The following PCDH9 variants were observed in gnomAD, a reference collection of about 807,000 sequenced individuals.
PCDH9 encodes the protein protocadherin 9, also known as protocadherin-9.
In PCDH9, 24 loss-of-function variants were observed where a neutral mutation model predicts 70.6. The ratio of observed to expected loss-of-function variants is 0.34; its 90% CI spans 0.25 to 0.48. The LOEUF (loss-of-function observed/expected upper bound fraction) is 0.48. PCDH9 is among the 20% of genes least tolerant of loss of function. The pLI is 0.99. For missense variants in PCDH9, 1,281 were observed against 1,503.6 expected (o/e 0.85, Z 2.45); for synonymous variants, 562 against 558.5 (o/e 1.01, Z -0.09).
At chr13:66,362,183 A>T (rs570577807) in intron 4 of PCDH9, among the ~76,000 whole-genome samples, 1 of 152,168 alleles carries the variant, frequency 6.6e-6, no homozygotes, top group South Asian at 2.1e-4. Flanking sequence ...AAAATTGTCA[A>T]ATAGATAGAG....
intron 3 of PCDH9, among the ~76,000 whole-genome samples, chr13:66,670,991 T>C (rs1198696788): frequency 6.6e-6 from 1 of 151,658 alleles, no homozygotes; most frequent in Non-Finnish European, 1.5e-5. Flanking sequence ...CTTTGAATTG[T>C]AGCTCCACAT....
intron 4 of PCDH9, among the ~76,000 whole-genome samples, chr13:66,538,686 A>C (rs901480493): frequency 2.6e-5 from 4 of 151,908 alleles, no homozygotes; most frequent in Non-Finnish European, 5.9e-5. Context: ...AATTATGGAG[A>C]GTGATCTGCA....
chr13:67,070,669 C>T (rs145621175), intron 2 of PCDH9, among the ~76,000 whole-genome samples: 1 of 152,118 alleles, frequency 6.6e-6, no homozygotes, highest in Non-Finnish European at 1.5e-5. Context: ...TCATTAGATT[C>T]AGTCTTAATG....
intron 2 of PCDH9, among the ~76,000 whole-genome samples, chr13:67,002,205 A>G (rs1017926233): frequency 6.6e-6 from 1 of 152,150 alleles, no homozygotes; most frequent in Admixed American, 6.5e-5. Flanking sequence ...ATGAAGAAAA[A>G]TATTTATTAT....
rs190694037 is a variant in PCDH9 at position 66,965,853 on chromosome 13, T to A, written c.3037-62248A>T. Reference sequence around the variant, plus strand: ...TAAGACAAAATATGTGAAAGTGATGTAAATTCTTATCTAAAAATATTTTAT... The same window carrying A: ...TAAGACAAAATATGTGAAAGTGATGAAAATTCTTATCTAAAAATATTTTAT... On this transcript the variant is annotated intron_variant, in intron 2 of 4. Coordinates refer to ENST00000377865, the MANE Select transcript of PCDH9 (RefSeq NM_203487.3). 1.5e-4 allele frequency among the ~76,000 whole-genome samples: 23 copies of A among 152,080 alleles called. No individual in the cohort carries two copies. The East Asian group carries it at 4.4e-3, about 29-fold the overall frequency.
intron 3 of PCDH9, among the ~76,000 whole-genome samples, chr13:66,679,967 T>C (rs1593882554): frequency 2.0e-5 from 3 of 152,106 alleles, no homozygotes; most frequent in South Asian, 4.1e-4. Flanking sequence ...TTAATACTAC[T>C]AAAAAATTCT....
At chr13:66,791,914 A>G (rs1286204024) in intron 3 of PCDH9, among the ~76,000 whole-genome samples, 1 of 152,184 alleles carries the variant, frequency 6.6e-6, no homozygotes, top group African/African-American at 2.4e-5. Context: ...ATGCACACAA[A>G]AAATCTTTGT....
chr13:66,608,536 A>T (rs1296535049), intron 4 of PCDH9, among the ~76,000 whole-genome samples: 1 of 152,074 alleles, frequency 6.6e-6, no homozygotes, highest in Non-Finnish European at 1.5e-5. Flanking sequence ...TTGGAATAAG[A>T]GGACAAGTCG....
chr13:66,519,199 CA>C (rs1394428497), intron 4 of PCDH9, among the ~76,000 whole-genome samples: 1 of 151,880 alleles, frequency 6.6e-6, no homozygotes, highest in Non-Finnish European at 1.5e-5. Context: ...GATAGTAGTG[CA>C]TTCCTCTAAG....
intron 2 of PCDH9, among the ~76,000 whole-genome samples, chr13:67,121,757 G>A (rs539559396): frequency 2.5e-4 from 38 of 152,094 alleles, no homozygotes; most frequent in Non-Finnish European, 4.1e-4. Flanking sequence ...TCTGCATTTG[G>A]TAGTGCAAAA....
At chr13:67,185,052 C>T (rs141110154) in intron 2 of PCDH9, among the ~76,000 whole-genome samples, 2 of 152,246 alleles carry the variant, frequency 1.3e-5, no homozygotes, top group East Asian at 1.9e-4. Flanking sequence ...CCTAGCAATG[C>T]CCTGGAGAGC....
chr13:66,510,349 T>A (rs1190047314), intron 4 of PCDH9, among the ~76,000 whole-genome samples: 2 of 150,668 alleles, frequency 1.3e-5, no homozygotes, highest in African/African-American at 2.4e-5. Context: ...AAAAATACAT[T>A]TATATATATA....
At chr13:66,590,564 T>C (rs1189009140) in intron 4 of PCDH9, among the ~76,000 whole-genome samples, 1 of 151,892 alleles carries the variant, frequency 6.6e-6, no homozygotes, top group Non-Finnish European at 1.5e-5. Context: ...TTCAAGGAAA[T>C]ATAGATCTAA....
chr13:66,401,864 T>C (rs1957194669), intron 4 of PCDH9, among the ~76,000 whole-genome samples: 1 of 152,184 alleles, frequency 6.6e-6, no homozygotes, highest in South Asian at 2.1e-4. Context: ...GTGGAAAAGC[T>C]GTTAGTTTCC....
chr13:66,323,268 C>T (rs559285852), intron 4 of PCDH9: 10 of 151,964 alleles, frequency 6.6e-5, no homozygotes, highest in African/African-American at 2.2e-4. Context: ...TTTTCAAGAA[C>T]GTTTGGCATT....
At chr13:66,991,992 G>T (rs1227037493) in intron 2 of PCDH9, among the ~76,000 whole-genome samples, 1 of 151,966 alleles carries the variant, frequency 6.6e-6, no homozygotes, top group African/African-American at 2.4e-5. Context: ...CTTCCAATTT[G>T]GTGGCAGTTT....
intron 3 of PCDH9, among the ~76,000 whole-genome samples, chr13:66,713,572 C>CAT (rs897827313): frequency 2.8e-4 from 39 of 138,984 alleles, no homozygotes; most frequent in South Asian, 1.4e-3. Context: ...AGCCTAATTA[C>CAT]ATATATATAT....
chr13:66,408,090 C>T, intron 4 of PCDH9, among the ~76,000 whole-genome samples: 1 of 135,210 alleles, frequency 7.4e-6, no homozygotes, highest in African/African-American at 2.7e-5. Flanking sequence ...CTCGCTCTGT[C>T]GCCCAGGCCG....
intron 3 of PCDH9, among the ~76,000 whole-genome samples, chr13:66,663,076 A>G (rs575475521): frequency 6.6e-6 from 1 of 152,220 alleles, no homozygotes. Context: ...GGAGAATCTT[A>G]ACACTACAGC....
Sources: allele counts gnomAD v4.1 joint callset (sites outside exome capture counted in the v4.1 genomes callset), GRCh38; gene constraint gnomAD v4.1.1; transcripts MANE v1.5; gene names NCBI Gene and HGNC (gene_info 2026-07-23, HGNC 2026-07-21).